USP2: variants seen among roughly 807,000 people sequenced by gnomAD.
USP2 encodes ubiquitin specific peptidase 2, also known as ubiquitin carboxyl-terminal hydrolase 2.
Under a neutral mutation model 72.0 loss-of-function variants are expected in USP2, and 33 were observed. The ratio of observed to expected loss-of-function variants is 0.46; its 90% CI spans 0.35 to 0.61. USP2 has a LOEUF of 0.61. Among genes scored for constraint, USP2 ranks in the 20% least tolerant of loss-of-function variants. The probability of loss-of-function intolerance (pLI) is 0.01; values close to 1 mark genes in which losing one functional copy is unlikely to be tolerated. For missense variants in USP2, 691 were observed against 797.8 expected, an observed-to-expected ratio of 0.87 and a Z score of 1.61; for synonymous variants, 296 against 312.5, an observed-to-expected ratio of 0.95 and a Z score of 0.56.
At chr11:119,368,255 A>G (rs901897519) in intron 2 of USP2, among the ~76,000 whole-genome samples, 1 of 152,174 alleles carries the variant, frequency 6.6e-6, no homozygotes, top group African/African-American at 2.4e-5. Context: ...CAACCTCCTT[A>G]GGGTGGCTTA....
At chr11:119,365,444 G>C (rs1459349131) in intron 2 of USP2, among the ~76,000 whole-genome samples, 2 of 151,306 alleles carry the variant, frequency 1.3e-5, no homozygotes, top group Non-Finnish European at 2.9e-5. Context: ...TGTGATCAGT[G>C]AGAGTGGGCA....
chr11:119,372,798 TA>T lies in USP2; in HGVS notation c.682del (p.Tyr228ThrfsTer31). On this transcript the variant is annotated frameshift_variant, in exon 2 of 13. Coordinates refer to ENST00000260187, the MANE Select transcript of USP2 (RefSeq NM_004205.5). LOFTEE classifies it high-confidence loss of function. ...SRVPEIISPT[Y>X]RPIGRYTLWE... is the part of the protein sequence containing the mutation. ...CAGCGTGTAGCGGCCAATGGGTCGG[TA>T]GGTTGGGCTGATGATTTCAGGGACT... is the stretch of plus-strand genomic sequence containing the variant. 1 of 1,602,286 alleles carries T rather than the reference TA, an allele frequency of 6.2e-7. No individual in the cohort carries two copies. Among genetic ancestry groups the T allele is most frequent in the South Asian group, 1.1e-5 (1 of 88,912 alleles).
intron 2 of USP2, among the ~76,000 whole-genome samples, chr11:119,363,152 A>T (rs2135394413): frequency 6.6e-6 from 1 of 152,298 alleles, no homozygotes; most frequent in African/African-American, 2.4e-5. Context: ...GGGGCAGGGC[A>T]CGCACTGCCA....
intron 7 of USP2, 138 bp from the exon 8 acceptor site, chr11:119,358,390 CACA>C (rs1591315912): frequency 3.9e-6 from 3 of 773,130 alleles, no homozygotes; most frequent in Non-Finnish European, 6.3e-6. Flanking sequence ...AATCTCAGCT[CACA>C]ACAACCTCTG....
At chr11:119,361,481 G>T (rs560439950) in intron 2 of USP2, among the ~76,000 whole-genome samples, 1 of 152,186 alleles carries the variant, frequency 6.6e-6, no homozygotes, top group South Asian at 2.1e-4. Context: ...AGCAACACTG[G>T]GGCATGCGTG....
intron 2 of USP2, among the ~76,000 whole-genome samples, chr11:119,366,772 G>C (rs1470505494): frequency 6.6e-6 from 1 of 152,204 alleles, no homozygotes; most frequent in East Asian, 1.9e-4. Flanking sequence ...ACCTGCCCAA[G>C]AGGTGCTCAC....
At chr11:119,373,641 C>T in intron 1 of USP2, 120 bp from the exon 2 acceptor site, 1 of 1,009,070 alleles carries the variant, frequency 9.9e-7, no homozygotes, top group Non-Finnish European at 1.4e-6. Flanking sequence ...CCACAAGAGG[C>T]AGGCTGGCTG....
At chr11:119,357,455 T>C (rs1264746174) in intron 11 of USP2, 28 bp downstream of exon 11, 2 of 1,613,824 alleles carry the variant, frequency 1.2e-6, no homozygotes, top group African/African-American at 2.7e-5. Flanking sequence ...GCGTCTTCAT[T>C]CTGCCCTGCC....
At chr11:119,371,031 G>A (rs548079365) in intron 2 of USP2, among the ~76,000 whole-genome samples, 6 of 152,146 alleles carry the variant, frequency 3.9e-5, no homozygotes, top group Admixed American at 6.5e-5. Flanking sequence ...TTTAGTCTGC[G>A]CTGAGGTTTT....
chr11:119,359,533 T>C lies in USP2; in HGVS notation c.949+4A>G. The C allele has an allele frequency of 6.2e-7, 1 of 1,613,782 alleles. No homozygotes were observed. Among genetic ancestry groups the C allele is most frequent in the South Asian group, 1.1e-5 (1 of 91,070 alleles). On this transcript the variant is annotated splice_donor_region_variant and intron_variant, in intron 4 of 12. Coordinates refer to ENST00000260187, the MANE Select transcript of USP2 (RefSeq NM_004205.5). ...GCAGGGGCACATGACAGAGGGCCTC[T>C]CACCTTCCACGAGGGCTGTGTGTGC... is the stretch of plus-strand genomic sequence containing the variant.
intron 2 of USP2, chr11:119,364,026 C>A (rs1232414269): frequency 8.2e-7 from 1 of 1,216,968 alleles, no homozygotes; most frequent in Non-Finnish European, 1.0e-6. Context: ...CTTTGGCCCT[C>A]GCTTAACGTT....
rs1188207369 is a variant in USP2 at position 119,358,156 on chromosome 11, A to G, written c.1334T>C (p.Ile445Thr). ...FDPFWDLSLPIAKRGYPEVTL... is the reference protein window; with the variant it reads ...FDPFWDLSLPTAKRGYPEVTL... ...GGCAACTGGGGTGCATACCTTAGCA[A>G]TGGGCAGTGAGAGGTCCCAGAAGGG... is the stretch of plus-strand genomic sequence containing the variant. Residue 445 changes from isoleucine (I) to threonine (T), a missense_variant, in exon 8 of 13, where the codon ATT (isoleucine) becomes ACT (threonine). Ile to Thr is a moderately conservative substitution (Grantham distance 89). Coordinates refer to ENST00000260187, the MANE Select transcript of USP2 (RefSeq NM_004205.5). The G allele has an allele frequency of 1.2e-5, 19 of 1,614,036 alleles. No individual in the cohort carries two copies. The highest frequency in any genetic ancestry group is 1.4e-5 in the Non-Finnish European group (16 of 1,180,038).
At chr11:119,376,331 G>A (rs534390610) in intron 1 of USP2, 6 of 985,614 alleles carry the variant, frequency 6.1e-6, no homozygotes, top group South Asian at 4.7e-5. Flanking sequence ...GGGCACTCAC[G>A]TGGCTGCGAG....
At position 119,381,609 on chromosome 11, in the gene USP2, C is replaced by G; in HGVS notation, c.-178G>C. On this transcript the variant is annotated 5_prime_UTR_variant, in exon 1 of 13. Coordinates refer to ENST00000260187, the MANE Select transcript of USP2 (RefSeq NM_004205.5). ...CCCCGGCCTCGGCTCCTGCCTGACT[C>G]TCTCCCACCTCCGCCGGGGGCCCAG... is the stretch of plus-strand genomic sequence containing the variant. 1 of 1,481,920 alleles carries G rather than the reference C, an allele frequency of 6.7e-7. No homozygotes were observed. Among genetic ancestry groups the G allele is most frequent in the Non-Finnish European group, 9.1e-7 (1 of 1,099,360 alleles). The allele number at this position is 1,481,920 out of a possible 1,614,324, so 91.8% of individuals were successfully genotyped here. A position where few individuals can be genotyped will look rare whatever the true frequency, so the allele number is the denominator to read the frequency against.
chr11:119,365,975 A>C (rs914095270), intron 2 of USP2, among the ~76,000 whole-genome samples: 8 of 151,364 alleles, frequency 5.3e-5, no homozygotes, highest in African/African-American at 1.9e-4. Context: ...GCTCACTGCA[A>C]CCTCTGCCTC....
chr11:119,376,176 C>T, intron 1 of USP2: 3 of 985,638 alleles, frequency 3.0e-6, no homozygotes, highest in Non-Finnish European at 3.6e-6. Context: ...AAGGTCCTAG[C>T]ACCTTCCAGG....
At chr11:119,361,600 G>T (rs940895830) in intron 2 of USP2, among the ~76,000 whole-genome samples, 2 of 145,626 alleles carry the variant, frequency 1.4e-5, no homozygotes, top group African/African-American at 5.0e-5. Flanking sequence ...AGCCCATGAG[G>T]TTGTCAGCTG....
intron 2 of USP2, among the ~76,000 whole-genome samples, chr11:119,362,337 T>C (rs914852654): frequency 6.6e-6 from 1 of 152,064 alleles, no homozygotes; most frequent in Non-Finnish European, 1.5e-5. Flanking sequence ...TTCTTGAGGA[T>C]CTAACCCCTC....
chr11:119,375,323 C>T (rs534802439), intron 1 of USP2, among the ~76,000 whole-genome samples: 10 of 152,326 alleles, frequency 6.6e-5, no homozygotes, highest in East Asian at 3.9e-4. Flanking sequence ...CATATAGGCC[C>T]GGAACAGCAT....
Sources: gnomAD v4.1 joint callset for allele counts (sites outside exome capture counted in the v4.1 genomes callset) on GRCh38, gnomAD v4.1.1 for gene constraint, MANE v1.5 for transcripts, NCBI Gene and HGNC (gene_info 2026-07-23, HGNC 2026-07-21) for gene names.